The following SPATA16 variants were observed in gnomAD, a reference collection of about 807,000 sequenced individuals.
SPATA16 encodes spermatogenesis-associated protein 16.
Under a neutral mutation model 63.3 loss-of-function variants are expected in SPATA16, and 36 were observed. That is an observed-to-expected ratio of 0.57 (90% CI 0.44 to 0.75). The LOEUF is 0.75. Ranked by LOEUF, SPATA16 falls within the 30% of genes least tolerant of loss-of-function variation. The pLI is 0.00. For missense variants in SPATA16, 646 were observed against 679.3 expected, an observed-to-expected ratio of 0.95 and a Z score of 0.54; for synonymous variants, 203 against 216.7, an observed-to-expected ratio of 0.94 and a Z score of 0.56.
At chr3:172,967,408 A>G (rs1733940643) in intron 5 of SPATA16, among the ~76,000 whole-genome samples, 1 of 152,236 alleles carries the variant, frequency 6.6e-6, no homozygotes, top group South Asian at 2.1e-4. Flanking sequence ...AAGATACAAA[A>G]TAAACATTAC....
chr3:172,937,838 A>T (rs753776718), intron 6 of SPATA16, among the ~76,000 whole-genome samples: 1 of 152,156 alleles, frequency 6.6e-6, no homozygotes, highest in Non-Finnish European at 1.5e-5. Flanking sequence ...TGGATATAGG[A>T]TCCACTGCTC....
intron 2 of SPATA16, among the ~76,000 whole-genome samples, chr3:173,065,640 C>T (rs1042577453): frequency 6.6e-6 from 1 of 152,166 alleles, no homozygotes; most frequent in African/African-American, 2.4e-5. Context: ...TTGCCTACAC[C>T]ACTCCTCCTC....
chr3:172,954,016 A>G (rs549277051), intron 6 of SPATA16, among the ~76,000 whole-genome samples: 1 of 152,338 alleles, frequency 6.6e-6, no homozygotes, highest in South Asian at 2.1e-4. Flanking sequence ...TACTGGTTGC[A>G]TGAATATATG....
chr3:172,929,548 C>G (rs1732820457), intron 6 of SPATA16, among the ~76,000 whole-genome samples: 1 of 152,074 alleles, frequency 6.6e-6, no homozygotes, highest in African/African-American at 2.4e-5. Flanking sequence ...TCCTGGAGTT[C>G]AGTAGTAGTC....
At chr3:172,973,443 G>A (rs1734090057) in intron 5 of SPATA16, among the ~76,000 whole-genome samples, 1 of 152,180 alleles carries the variant, frequency 6.6e-6, no homozygotes, top group African/African-American at 2.4e-5. Flanking sequence ...TTTTGTGGGA[G>A]TTCTGTGATA....
chr3:173,091,806 T>C (rs1278003572), intron 2 of SPATA16, among the ~76,000 whole-genome samples: 1 of 152,172 alleles, frequency 6.6e-6, no homozygotes, highest in African/African-American at 2.4e-5. Flanking sequence ...TGAGAAACTA[T>C]AGGCCAGGTT....
chr3:173,066,739 A>G (rs1736529832), intron 2 of SPATA16, among the ~76,000 whole-genome samples: 1 of 152,154 alleles, frequency 6.6e-6, no homozygotes, highest in South Asian at 2.1e-4. Flanking sequence ...AAAAATACCT[A>G]ACTCTTTAAT....
In SPATA16 at chr3:172,958,284, G is replaced by A. The variant is rs879632099; in HGVS notation, c.934-1460C>T. On this transcript the variant is annotated intron_variant, in intron 5 of 10. Coordinates refer to ENST00000351008, the MANE Select transcript of SPATA16 (RefSeq NM_031955.6). ...AAGGCTAATGGGGATAATGCAGGCA[G>A]CAGGTCTGGGATTCAGAGTTGTGGA... 1.3e-4 allele frequency among the ~76,000 whole-genome samples: 20 copies of A among 152,308 alleles called. 1 individual carries two copies. Among genetic ancestry groups the A allele is most frequent in the Admixed American group, 3.9e-4 (6 of 15,292 alleles).
rs1731847878 is a variant in SPATA16, at chr3:172,889,424, G to A, written c.*146C>T. ...ATTAATGAAACATAGAGTGTCTTTG[G>A]TAAAGATGAACTGAGGGGAATACCA... is the stretch of plus-strand genomic sequence containing the variant. On this transcript the variant is annotated 3_prime_UTR_variant, in exon 11 of 11. Coordinates refer to ENST00000351008, the MANE Select transcript of SPATA16 (RefSeq NM_031955.6). 1.4e-5 allele frequency: 16 copies of A among 1,128,738 alleles called. No homozygotes were observed. The highest frequency in any genetic ancestry group is 2.1e-5 in the Non-Finnish European group (16 of 764,104). 69.9% of individuals were successfully genotyped at this position (1,128,738 alleles called of 1,614,324 possible). A position where few individuals can be genotyped will look rare whatever the true frequency, so the allele number is the denominator to read the frequency against.
At chr3:172,956,957 T>TAA in intron 5 of SPATA16, 133 bp from the exon 6 acceptor site, 1 of 1,118,610 alleles carries the variant, frequency 8.9e-7, no homozygotes, top group Non-Finnish European at 1.3e-6. Flanking sequence ...TATTTTGGTC[T>TAA]TGAATATTCA....
chr3:172,916,984 T>C (rs1474963037), intron 8 of SPATA16, among the ~76,000 whole-genome samples: 1 of 152,252 alleles, frequency 6.6e-6, no homozygotes, highest in East Asian at 1.9e-4. Context: ...TAAGCTCTGC[T>C]TTTATTTCCA....
At chr3:172,921,410 T>C (rs1384959956) in intron 8 of SPATA16, among the ~76,000 whole-genome samples, 1 of 152,198 alleles carries the variant, frequency 6.6e-6, no homozygotes, top group Admixed American at 6.5e-5. Flanking sequence ...TACCAAGACA[T>C]GTGAGGCTGC....
At chr3:172,917,081 T>A (rs1041869299) in intron 8 of SPATA16, among the ~76,000 whole-genome samples, 2 of 152,174 alleles carry the variant, frequency 1.3e-5, no homozygotes, top group Admixed American at 6.5e-5. Flanking sequence ...AACTAACATG[T>A]TCCATCTGGA....
chr3:173,060,212 G>A (rs1199711199), intron 2 of SPATA16, among the ~76,000 whole-genome samples: 8 of 152,052 alleles, frequency 5.3e-5, no homozygotes, highest in Admixed American at 3.3e-4. Flanking sequence ...AGCTGAGATC[G>A]TGCCATTGCA....
intron 1 of SPATA16, among the ~76,000 whole-genome samples, chr3:173,132,784 G>A (rs570415698): frequency 2.3e-4 from 35 of 152,100 alleles, no homozygotes; most frequent in Non-Finnish European, 3.4e-4. Flanking sequence ...ACCCCAAAGA[G>A]GAGAGAAATA....
chr3:173,039,400 T>G (rs1404091524), intron 3 of SPATA16, among the ~76,000 whole-genome samples: 2 of 152,124 alleles, frequency 1.3e-5, no homozygotes, highest in Non-Finnish European at 2.9e-5. Flanking sequence ...GTCCTCAGCA[T>G]GGGAGCACAC....
At chr3:172,987,731 A>T (rs909462591) in intron 4 of SPATA16, among the ~76,000 whole-genome samples, 4 of 152,240 alleles carry the variant, frequency 2.6e-5, no homozygotes, top group African/African-American at 9.6e-5. Flanking sequence ...TCTGGAGCCA[A>T]TATAAAATGT....
At chr3:173,023,093 A>G (rs1350971702) in intron 3 of SPATA16, among the ~76,000 whole-genome samples, 1 of 150,770 alleles carries the variant, frequency 6.6e-6, no homozygotes, top group East Asian at 1.9e-4. Flanking sequence ...GATACTTTAA[A>G]ATTTATCTTT....
intron 4 of SPATA16, among the ~76,000 whole-genome samples, chr3:173,018,448 G>A (rs2108275788): frequency 6.6e-6 from 1 of 151,912 alleles, no homozygotes; most frequent in Admixed American, 6.6e-5. Flanking sequence ...CTAATTTTTT[G>A]TGTTTTCAGT....
Sources: gnomAD v4.1 joint callset for allele counts (sites outside exome capture counted in the v4.1 genomes callset) on GRCh38, gnomAD v4.1.1 for gene constraint, MANE v1.5 for transcripts, NCBI Gene and HGNC (gene_info 2026-07-23, HGNC 2026-07-21) for gene names.